The following TBC1D19 variants were observed in gnomAD, a reference collection of about 807,000 sequenced individuals.
TBC1D19 encodes the protein TBC1 domain family, member 19.
TBC1D19 carries 60 observed loss-of-function variants against 89.0 expected under a neutral mutation model. The observed-to-expected ratio is 0.67, with a 90% CI of 0.55 to 0.84. The LOEUF is 0.84. Ranked by LOEUF, TBC1D19 falls within the 40% of genes least tolerant of loss-of-function variation. The probability of loss-of-function intolerance (pLI) is 0.00; values close to 1 mark genes in which losing one functional copy is unlikely to be tolerated. For synonymous variants in TBC1D19, 189 were observed against 199.7 expected (o/e 0.95, Z 0.45); for missense variants, 500 against 610.8 (o/e 0.82, Z 1.91).
At chr4:26,606,005 G>A (rs192921562) in intron 1 of TBC1D19, among the ~76,000 whole-genome samples, 2 of 152,216 alleles carry the variant, frequency 1.3e-5, no homozygotes, top group African/African-American at 4.8e-5. Flanking sequence ...ATAAACAAAA[G>A]CATTCTTGGG....
chr4:26,621,897 G>A (rs1438569934), intron 4 of TBC1D19, among the ~76,000 whole-genome samples: 5 of 151,920 alleles, frequency 3.3e-5, no homozygotes, highest in Admixed American at 3.3e-4. Flanking sequence ...TATACACCAT[G>A]GAATACTATG....
chr4:26,772,446 G>C, the TBC1D19 span, among the ~76,000 whole-genome samples: 33 of 131,476 alleles, frequency 2.5e-4, no homozygotes, highest in East Asian at 6.2e-3. Context: ...TTTCTGGGTG[G>C]GGGGGAGCCA....
intron 15 of TBC1D19, among the ~76,000 whole-genome samples, chr4:26,735,014 G>GTATATATGTATACCAATATGTATATT (rs1195980440): frequency 7.7e-6 from 1 of 130,500 alleles, no homozygotes; most frequent in African/African-American, 2.7e-5. Context: ...ATATGTATAT[G>GTATATATGTATACCAATATGTATATT]TGTATACACA....
chr4:26,580,279 T>C (rs1018314302), upstream of TBC1D19, among the ~76,000 whole-genome samples: 2 of 152,196 alleles, frequency 1.3e-5, no homozygotes, highest in Admixed American at 1.3e-4. Flanking sequence ...GGCTTTTTTT[T>C]TCCCCCATAA....
intron 13 of TBC1D19, among the ~76,000 whole-genome samples, chr4:26,689,581 G>A (rs773760257): frequency 1.1e-4 from 16 of 151,906 alleles, no homozygotes; most frequent in Non-Finnish European, 2.2e-4. Flanking sequence ...TCATATTTCT[G>A]TGTCACATTT....
intron 12 of TBC1D19, among the ~76,000 whole-genome samples, chr4:26,685,253 G>A (rs1051083533): frequency 6.6e-6 from 1 of 152,196 alleles, no homozygotes; most frequent in Admixed American, 6.5e-5. Context: ...GTGCTGGGCT[G>A]GGAGCGTGCC....
the TBC1D19 span, among the ~76,000 whole-genome samples, chr4:26,818,384 T>A: frequency 6.6e-6 from 1 of 151,960 alleles, no homozygotes; most frequent in African/African-American, 2.4e-5. Flanking sequence ...TGCACCACCA[T>A]GCCTGGCTAA....
chr4:26,693,708 G>A (rs941957932), intron 13 of TBC1D19, among the ~76,000 whole-genome samples: 28 of 151,526 alleles, frequency 1.8e-4, no homozygotes, highest in Admixed American at 2.6e-4. Context: ...AAAAAAAAAG[G>A]TAAAGTAAGG....
chr4:26,846,123 A>G, the TBC1D19 span, among the ~76,000 whole-genome samples: 1 of 151,982 alleles, frequency 6.6e-6, no homozygotes, highest in Non-Finnish European at 1.5e-5. Flanking sequence ...GACATCGTGT[A>G]TATATCTAAA....
intron 1 of TBC1D19, among the ~76,000 whole-genome samples, chr4:26,601,061 G>C (rs1213649518): frequency 6.6e-6 from 1 of 151,910 alleles, no homozygotes; most frequent in Non-Finnish European, 1.5e-5. Context: ...TGTGAGAAAG[G>C]ACATATCCTT....
At chr4:26,742,743 T>A (rs1448634403) in intron 18 of TBC1D19, 144 bp downstream of exon 18, 1 of 519,552 alleles carries the variant, frequency 1.9e-6, no homozygotes, top group Non-Finnish European at 3.2e-6. Flanking sequence ...TATCAATTAG[T>A]AAATTGTAAT....
intron 4 of TBC1D19, among the ~76,000 whole-genome samples, chr4:26,625,342 TCA>T (rs1416094265): frequency 1.3e-5 from 2 of 152,310 alleles, no homozygotes; most frequent in Non-Finnish European, 2.9e-5. Context: ...TCTTGATGAC[TCA>T]CAATTTATTT....
At chr4:26,732,620 T>G (rs1442004518) in intron 15 of TBC1D19, among the ~76,000 whole-genome samples, 3 of 152,190 alleles carry the variant, frequency 2.0e-5, no homozygotes, top group Admixed American at 6.5e-5. Flanking sequence ...AGCCAGATGG[T>G]AAATATTTCA....
At chr4:26,797,676 G>T in the TBC1D19 span, among the ~76,000 whole-genome samples, 61 of 152,282 alleles carry the variant, frequency 4.0e-4, no homozygotes, top group African/African-American at 1.4e-3. Flanking sequence ...GAAACAGCAT[G>T]GTGCTGCTAC....
At chr4:26,593,072 T>C (rs1441817269) in intron 1 of TBC1D19, among the ~76,000 whole-genome samples, 7 of 152,222 alleles carry the variant, frequency 4.6e-5, no homozygotes, top group Non-Finnish European at 8.8e-5. Context: ...GGCATCACAC[T>C]ACGTGACTTC....
At chr4:26,716,028 T>C (rs1010615718) in intron 13 of TBC1D19, among the ~76,000 whole-genome samples, 3 of 152,104 alleles carry the variant, frequency 2.0e-5, no homozygotes, top group Non-Finnish European at 4.4e-5. Context: ...ACAGCCTCTT[T>C]AAAGTGTCAC....
At chr4:26,854,933 C>G in the TBC1D19 span, among the ~76,000 whole-genome samples, 124,273 of 152,068 alleles carry the variant, frequency 0.82, 51,076 homozygotes, top group Middle Eastern at 0.96. Context: ...AAAGTGCGGG[C>G]GAGTTTGCAT....
chr4:26,724,814 C>T (rs1378752556), intron 15 of TBC1D19, among the ~76,000 whole-genome samples: 1 of 148,818 alleles, frequency 6.7e-6, no homozygotes, highest in Non-Finnish European at 1.5e-5. Flanking sequence ...TACACAGATG[C>T]TTTCCAAAGC....
intron 1 of TBC1D19, among the ~76,000 whole-genome samples, chr4:26,587,468 T>G (rs1329403417): frequency 6.6e-6 from 1 of 151,646 alleles, no homozygotes; most frequent in Non-Finnish European, 1.5e-5. Context: ...TCCCAGCTAC[T>G]TGAGAGGTTG....
Sources: allele counts gnomAD v4.1 joint callset (sites outside exome capture counted in the v4.1 genomes callset), GRCh38; gene constraint gnomAD v4.1.1; transcripts MANE v1.5; gene names NCBI Gene and HGNC (gene_info 2026-07-23, HGNC 2026-07-21).